Variants in RPS10 observed in about 807,000 individuals in gnomAD.
RPS10 encodes ribosomal protein S10.
Under a neutral mutation model 22.6 loss-of-function variants are expected in RPS10, and 2 were observed. That is an observed-to-expected ratio of 0.09 (90% CI 0.04 to 0.28). The LOEUF (loss-of-function observed/expected upper bound fraction) is 0.28. RPS10 is among the 10% of genes least tolerant of loss of function. The pLI, the probability that RPS10 is intolerant of heterozygous loss-of-function variation, is 1.00. For synonymous variants in RPS10, 70 were observed against 75.9 expected, an observed-to-expected ratio of 0.92 and a Z score of 0.40; for missense variants, 137 against 222.2, an observed-to-expected ratio of 0.62 and a Z score of 2.44.
chr6:34,420,901 G>A (rs973282837), intron 4 of RPS10, among the ~76,000 whole-genome samples: 2 of 151,456 alleles, frequency 1.3e-5, no homozygotes, highest in Non-Finnish European at 2.9e-5. Flanking sequence ...CCAGCTACTC[G>A]GGAGGCTGAG....
intron 4 of RPS10, 101 bp downstream of exon 4, chr6:34,421,616 CTTTCCTGGTCATT>C (rs1286360651): frequency 8.7e-5 from 104 of 1,196,498 alleles, no homozygotes; most frequent in Middle Eastern, 8.2e-4. Context: ...AACCAAGAAT[CTTTCCTGGTCATT>C]TTGTCATCAT....
At chr6:34,420,835 T>C (rs191059796) in intron 4 of RPS10, among the ~76,000 whole-genome samples, 21 of 151,344 alleles carry the variant, frequency 1.4e-4, no homozygotes, top group African/African-American at 4.8e-4. Flanking sequence ...TGAAACCCCA[T>C]CTCTACTAAA....
chr6:34,417,921 G>C (rs1765632824), intron 5 of RPS10: 1 of 718,308 alleles, frequency 1.4e-6, no homozygotes, highest in Non-Finnish European at 2.6e-6. Context: ...AAAATGATAT[G>C]CCAGTACTAT....
intron 5 of RPS10, chr6:34,417,945 A>G: frequency 1.4e-6 from 1 of 718,852 alleles, no homozygotes; most frequent in South Asian, 1.5e-5. Context: ...TGGATTAACT[A>G]ATCTCACAAC....
intron 4 of RPS10, 126 bp downstream of exon 4, chr6:34,421,604 G>C: frequency 9.4e-7 from 1 of 1,062,728 alleles, no homozygotes; most frequent in Non-Finnish European, 1.5e-6. Context: ...TCTGCAGAGT[G>C]AAACCAAGAA....
chr6:34,422,861 A>T (rs1245924934), intron 3 of RPS10, among the ~76,000 whole-genome samples: 1 of 151,598 alleles, frequency 6.6e-6, no homozygotes, highest in East Asian at 2.0e-4. Context: ...GCAGGTGATC[A>T]CTTGAGGCCA....
chr6:34,419,238 C>A (rs1203701258), intron 4 of RPS10, among the ~76,000 whole-genome samples: 3 of 152,022 alleles, frequency 2.0e-5, no homozygotes, highest in Admixed American at 1.3e-4. Flanking sequence ...TTTCTCCAGG[C>A]TGGTCTCAAA....
At chr6:34,417,649 A>G in intron 5 of RPS10, 102 bp from the exon 6 acceptor site, 2 of 1,097,016 alleles carry the variant, frequency 1.8e-6, no homozygotes, top group Middle Eastern at 2.0e-4. Context: ...GAGGCCCCCA[A>G]ATGTAAACAG....
intron 4 of RPS10, among the ~76,000 whole-genome samples, chr6:34,420,527 T>TA (rs1473361781): frequency 1.3e-5 from 2 of 152,136 alleles, no homozygotes; most frequent in Non-Finnish European, 2.9e-5. Flanking sequence ...CCATAATCGT[T>TA]AAACTTCCAG....
intron 3 of RPS10, chr6:34,424,398 A>G (rs956396365): frequency 6.4e-6 from 3 of 465,784 alleles, no homozygotes; most frequent in African/African-American, 3.9e-5. Flanking sequence ...AAAGTTACTC[A>G]ATATTCTATA....
intron 4 of RPS10, among the ~76,000 whole-genome samples, chr6:34,421,022 TAAAA>T (rs751404903): frequency 8.7e-6 from 1 of 115,170 alleles, no homozygotes; most frequent in Non-Finnish European, 1.7e-5. Flanking sequence ...GAAAGAAAAT[TAAAA>T]AAAAAAAAAA....
At chr6:34,421,089 C>A (rs1283819186) in intron 4 of RPS10, among the ~76,000 whole-genome samples, 1 of 144,766 alleles carries the variant, frequency 6.9e-6, no homozygotes, top group Non-Finnish European at 1.5e-5. Context: ...CCACATTTTA[C>A]CGAAGAGGTT....
intron 3 of RPS10, chr6:34,424,387 A>G: frequency 2.3e-6 from 1 of 439,916 alleles, no homozygotes; most frequent in Admixed American, 3.5e-5. Flanking sequence ...ACTCTGCGGG[A>G]AAAGTTACTC....
intron 3 of RPS10, among the ~76,000 whole-genome samples, chr6:34,423,176 CCTT>C (rs1366770439): frequency 3.9e-5 from 6 of 152,008 alleles, no homozygotes; most frequent in Non-Finnish European, 7.4e-5. Context: ...AACTATGTCT[CCTT>C]TTTTTTTTTT....
intron 4 of RPS10, among the ~76,000 whole-genome samples, chr6:34,420,547 C>T (rs531628781): frequency 1.1e-4 from 16 of 152,254 alleles, no homozygotes; most frequent in Admixed American, 2.6e-4. Context: ...GTATCACCAA[C>T]TTCCTCTGAA....
At chr6:34,423,177 CT>C (rs199709103) in intron 3 of RPS10, among the ~76,000 whole-genome samples, 536 of 145,564 alleles carry the variant, frequency 3.7e-3, no homozygotes, top group Middle Eastern at 3.6e-3. Context: ...ACTATGTCTC[CT>C]TTTTTTTTTT....
In RPS10 at chr6:34,421,753, G is replaced by C. The variant is rs1170462071; in HGVS notation, c.377C>G (p.Thr126Ser). 1 of 1,613,712 alleles carries C rather than the reference G, an allele frequency of 6.2e-7. No individual in the cohort carries two copies. The highest frequency in any genetic ancestry group is 8.5e-7 in the Non-Finnish European group (1 of 1,179,864). The part of the protein sequence containing the change: ...RLTRGEADRD[T>S]YRRSAVPPGA... ...ACGTGGCACAGCACTCCGTCTGTAGGTATCTCTGTCAGCTTCCCCTCTTGT... is the reference window on the plus strand; with the variant it reads ...ACGTGGCACAGCACTCCGTCTGTAGCTATCTCTGTCAGCTTCCCCTCTTGT... The change falls in exon 4 of 6, where the codon ACC (threonine) becomes AGC (serine). Residue 126 changes from threonine (T) to serine (S), a missense_variant. Thr to Ser is a moderately conservative substitution (Grantham distance 58). Coordinates refer to ENST00000648437, the MANE Select transcript of RPS10 (RefSeq NM_001014.5).
At chr6:34,418,016 AC>A (rs991914122) in intron 5 of RPS10, 1 of 699,118 alleles carries the variant, frequency 1.4e-6, no homozygotes, top group African/African-American at 1.8e-5. Context: ...GCAGAGGGGA[AC>A]CTACCTAACA....
At chr6:34,423,320 C>T (rs550437824) in intron 3 of RPS10, among the ~76,000 whole-genome samples, 284 of 152,078 alleles carry the variant, frequency 1.9e-3, no homozygotes, top group African/African-American at 6.7e-3. Context: ...TTTTTGTAGA[C>T]GGAGTCTCAC....
Sources: gnomAD v4.1 joint callset for allele counts (sites outside exome capture counted in the v4.1 genomes callset) on GRCh38, gnomAD v4.1.1 for gene constraint, MANE v1.5 for transcripts, NCBI Gene and HGNC (gene_info 2026-07-23, HGNC 2026-07-21) for gene names.